PPP1R12C: variants seen among roughly 807,000 people sequenced by gnomAD.
The protein encoded by PPP1R12C is leukocyte receptor cluster (LRC) encoded novel gene 3.
A neutral mutation model predicts 95.6 loss-of-function variants in PPP1R12C; 48 were observed. The observed-to-expected ratio is 0.50, with a 90% CI of 0.40 to 0.64. The LOEUF (loss-of-function observed/expected upper bound fraction) is 0.64. Ranked by LOEUF, PPP1R12C falls within the 30% of genes least tolerant of loss-of-function variation. The probability of loss-of-function intolerance (pLI) is 0.00; values close to 1 mark genes in which losing one functional copy is unlikely to be tolerated. For missense variants in PPP1R12C, 1,057 were observed against 1,083.3 expected (o/e 0.98, Z 0.34); for synonymous variants, 480 against 460.8 (o/e 1.04, Z -0.53).
chr19:55,092,200 A>C, intron 19 of PPP1R12C, 22 bp downstream of exon 19: 1 of 1,540,642 alleles, frequency 6.5e-7, no homozygotes, highest in South Asian at 1.2e-5. Flanking sequence ...AGTTCCCGTG[A>C]CCCTGGCCTC....
intron 3 of PPP1R12C, among the ~76,000 whole-genome samples, chr19:55,111,150 A>AGGGGGGGGGGGGGGGGGGGGGGGGGG (rs66532829): frequency 4.6e-5 from 3 of 65,090 alleles, no homozygotes; most frequent in African/African-American, 4.4e-5. Flanking sequence ...GGTGGGGGGG[A>AGGGGGGGGGGGGGGGGGGGGGGGGGG]GGGGGGGGTG....
At chr19:55,097,649 CGCA>C (rs2084937256) in intron 6 of PPP1R12C, among the ~76,000 whole-genome samples, 1 of 124,816 alleles carries the variant, frequency 8.0e-6, no homozygotes, top group Non-Finnish European at 1.7e-5. Flanking sequence ...ACCCCTTCCC[CGCA>C]GTTCACCACC....
At chr19:55,110,575 A>C (rs2085084783) in intron 3 of PPP1R12C, among the ~76,000 whole-genome samples, 1 of 152,196 alleles carries the variant, frequency 6.6e-6, no homozygotes, top group Non-Finnish European at 1.5e-5. Context: ...AAGATGTACA[A>C]TGCCTGCAAC....
At chr19:55,116,227 C>T (rs1568823510) in intron 1 of PPP1R12C, among the ~76,000 whole-genome samples, 1 of 152,046 alleles carries the variant, frequency 6.6e-6, no homozygotes, top group Admixed American at 6.6e-5. Context: ...TCCTAAGAAA[C>T]GAGAGATGGC....
intron 3 of PPP1R12C, 113 bp from the exon 4 acceptor site, chr19:55,103,681 C>T: frequency 9.6e-7 from 1 of 1,046,560 alleles, no homozygotes; most frequent in Non-Finnish European, 1.3e-6. Context: ...AGCTCTTCCC[C>T]CTGCTCCCCT....
At chr19:55,116,270 C>CA (rs544043649) in intron 1 of PPP1R12C, among the ~76,000 whole-genome samples, 16 of 151,554 alleles carry the variant, frequency 1.1e-4, no homozygotes, top group Non-Finnish European at 2.1e-4. Flanking sequence ...AAAGGGAACC[C>CA]AGCGAGTGAA....
At chr19:55,107,273 G>A (rs1427150318) in intron 3 of PPP1R12C, among the ~76,000 whole-genome samples, 2 of 152,112 alleles carry the variant, frequency 1.3e-5, no homozygotes, top group African/African-American at 4.8e-5. Context: ...AATTAGCTGG[G>A]CATGGTGGCG....
At chr19:55,112,874 C>T (rs1228057251) in intron 1 of PPP1R12C, 79 bp from the exon 2 acceptor site, 9 of 1,572,350 alleles carry the variant, frequency 5.7e-6, no homozygotes, top group Admixed American at 1.7e-5. Flanking sequence ...GAGGGAGCCA[C>T]GAAAACAGAT....
At position 55,095,591 on chromosome 19, in the gene PPP1R12C, C is replaced by G; in HGVS notation, c.1240G>C (p.Ala414Pro). Residue 414 changes from alanine (A) to proline (P), a missense_variant, in exon 10 of 22, where the codon GCC becomes CCC. By Grantham distance (27) the Ala-to-Pro change is conservative. Around this residue, in one of 5 missense-constraint regions of PPP1R12C, gnomAD observed 356 missense variants for 330.5 expected, o/e 1.08. Coordinates refer to ENST00000263433, the MANE Select transcript of PPP1R12C (RefSeq NM_017607.4). ...AGGCCAAAGCGCCTGGAGAAGGGGG[C>G]CTCTTCAAGCTGCTGGGAGAAGGAG... Reference protein sequence around the residue: ...SPKSPVQLEEAPFSRRFGLLK... With the variant: ...SPKSPVQLEEPPFSRRFGLLK... 1.3e-6 allele frequency: 2 copies of G among 1,565,574 alleles called. No individual in the cohort carries two copies. Among genetic ancestry groups the G allele is most frequent in the Non-Finnish European group, 1.7e-6 (2 of 1,160,166 alleles).
intron 4 of PPP1R12C, among the ~76,000 whole-genome samples, 158 bp downstream of exon 4, chr19:55,103,251 T>TA (rs988720832): frequency 1.6e-4 from 25 of 151,656 alleles, no homozygotes; most frequent in Middle Eastern, 3.2e-3. Context: ...TGAATGACAA[T>TA]AAAAAAAAGA....
chr19:55,117,434 G>A lies in PPP1R12C; in HGVS notation c.110C>T (p.Pro37Leu). Residue 37 changes from proline to leucine, a missense_variant, in exon 1 of 22, where the codon CCT becomes CTT. Coordinates refer to ENST00000263433, the MANE Select transcript of PPP1R12C (RefSeq NM_017607.4). ...RQWGARAGAE[P>L]GPGERRARTV... ...GCGGGCGCGGCGCTCTCCGGGGCCA[G>A]GCTCGGCGCCCGCCCGCGCCCCCCA... The A allele has an allele frequency of 3.0e-6, 3 of 999,828 alleles. No homozygotes were observed. Among genetic ancestry groups the A allele is most frequent in the Non-Finnish European group, 3.6e-6 (3 of 841,526 alleles). 61.9% of individuals were successfully genotyped at this position (999,828 alleles called of 1,614,324 possible).
rs761285815 is a variant in PPP1R12C at position 55,098,211 on chromosome 19, C to T, written c.951+573G>A. Among the ~76,000 whole-genome samples, 5 of 152,186 alleles carry T rather than the reference C, an allele frequency of 3.3e-5. No homozygotes were observed. In the East Asian group the frequency reaches 7.7e-4, roughly 23 times the overall value. On this transcript the variant is annotated intron_variant, in intron 6 of 21. Transcript: ENST00000263433. ...TCCTGACAGCACAATCCACGTGTCA[C>T]GCATGACCCCTCATACAGTTGCGCA...
chr19:55,094,493 G>A (rs2147180919), intron 12 of PPP1R12C, 58 bp from the exon 13 acceptor site: 1 of 1,605,376 alleles, frequency 6.2e-7, no homozygotes, highest in African/African-American at 1.3e-5. Flanking sequence ...CCATTCCGTG[G>A]CTGACACCCT....
chr19:55,094,969 C>G (rs545737805), intron 11 of PPP1R12C, 171 bp from the exon 12 acceptor site: 4 of 803,180 alleles, frequency 5.0e-6, no homozygotes, highest in African/African-American at 1.7e-5. Context: ...ACTACGCAAC[C>G]GGTCAGAAGG....
At chr19:55,099,489 C>G (rs1324654774) in intron 4 of PPP1R12C, among the ~76,000 whole-genome samples, 1 of 152,252 alleles carries the variant, frequency 6.6e-6, no homozygotes, top group Non-Finnish European at 1.5e-5. Flanking sequence ...AGGGCTGTCT[C>G]AGGGCAGTAG....
intron 3 of PPP1R12C, among the ~76,000 whole-genome samples, chr19:55,107,988 T>C (rs982839231): frequency 6.9e-5 from 10 of 145,794 alleles, no homozygotes; most frequent in Non-Finnish European, 1.2e-4. Flanking sequence ...CAGGCTGGAG[T>C]GCAGTGGTGA....
intron 20 of PPP1R12C, 62 bp downstream of exon 20, chr19:55,091,797 C>G (rs2084844735): frequency 1.2e-6 from 2 of 1,611,440 alleles, no homozygotes; most frequent in African/African-American, 1.3e-5. Flanking sequence ...CTCCCTTGGT[C>G]CAAACTTAGG....
At chr19:55,116,510 C>G (rs1171596886) in intron 1 of PPP1R12C, among the ~76,000 whole-genome samples, 1 of 152,144 alleles carries the variant, frequency 6.6e-6, no homozygotes, top group African/African-American at 2.4e-5. Context: ...TGACCCAGGC[C>G]ACAAGCTGCA....
At chr19:55,096,366 G>A (rs1368044234) in intron 6 of PPP1R12C, 31 bp from the exon 7 acceptor site, 5 of 1,607,362 alleles carry the variant, frequency 3.1e-6, no homozygotes, top group Non-Finnish European at 4.3e-6. Context: ...TGCAGGGGAG[G>A]GGTGGAGCAC....
Sources: gnomAD v4.1 joint callset for allele counts (sites outside exome capture counted in the v4.1 genomes callset) on GRCh38, gnomAD v4.1.1 for gene constraint, gnomAD v4.1.1 regional missense constraint, MANE v1.5 for transcripts, NCBI Gene and HGNC (gene_info 2026-07-23, HGNC 2026-07-21) for gene names.